The following FHIT variants were observed in gnomAD, a reference collection of about 807,000 sequenced individuals.
FHIT encodes the protein bis(5'-adenosyl)-triphosphatase.
Under a neutral mutation model 17.9 loss-of-function variants are expected in FHIT, and 19 were observed. That is an observed-to-expected ratio of 1.06 (90% CI 0.74 to 1.56). The LOEUF (loss-of-function observed/expected upper bound fraction) is 1.56. Ranked by LOEUF, FHIT falls within the 40% of genes most tolerant of loss-of-function variation. The pLI is 0.00. For missense variants in FHIT, 248 were observed against 189.2 expected (o/e 1.31, Z -1.82); for synonymous variants, 81 against 69.7 (o/e 1.16, Z -0.81).
intron 5 of FHIT, among the ~76,000 whole-genome samples, chr3:60,500,169 A>G (rs2107521713): frequency 6.6e-6 from 1 of 152,312 alleles, no homozygotes; most frequent in Admixed American, 6.5e-5. Context: ...TTTTGTAAAT[A>G]AAGTTTTATT....
At chr3:60,925,833 C>T (rs1203804740) in intron 3 of FHIT, among the ~76,000 whole-genome samples, 8 of 152,140 alleles carry the variant, frequency 5.3e-5, no homozygotes, top group African/African-American at 7.2e-5. Flanking sequence ...CAGAGACACA[C>T]ATAGGCTCAA....
intron 3 of FHIT, among the ~76,000 whole-genome samples, chr3:60,885,829 C>T (rs1271405382): frequency 5.3e-5 from 8 of 152,176 alleles, no homozygotes; most frequent in Admixed American, 4.6e-4. Context: ...ATCACCTCCT[C>T]CAGATGCCTC....
intron 7 of FHIT, among the ~76,000 whole-genome samples, chr3:59,979,155 G>A (rs13077692): frequency 6.6e-6 from 1 of 151,900 alleles, no homozygotes; most frequent in African/African-American, 2.4e-5. Context: ...GAGGCTGAGA[G>A]AGCACAGAGC....
chr3:59,779,182 T>C, intron 8 of FHIT, among the ~76,000 whole-genome samples: 1 of 151,642 alleles, frequency 6.6e-6, no homozygotes, highest in East Asian at 1.9e-4. Context: ...CTCATTAGCT[T>C]GGACATAAAG....
chr3:61,071,993 G>A (rs1169580989), intron 2 of FHIT, among the ~76,000 whole-genome samples: 2 of 152,250 alleles, frequency 1.3e-5, no homozygotes, highest in South Asian at 2.1e-4. Context: ...TCACTCTCCT[G>A]TTAGATAGTC....
At chr3:61,228,011 G>A (rs1042023394) in intron 1 of FHIT, among the ~76,000 whole-genome samples, 1 of 152,136 alleles carries the variant, frequency 6.6e-6, no homozygotes, top group African/African-American at 2.4e-5. Context: ...GACTTTAGCA[G>A]CTGCTCTAAA....
intron 5 of FHIT, among the ~76,000 whole-genome samples, chr3:60,341,716 T>C (rs773339292): frequency 1.3e-4 from 20 of 152,204 alleles, no homozygotes; most frequent in Non-Finnish European, 2.4e-4. Context: ...TACACTTAGA[T>C]TGACTTCCAA....
chr3:59,757,269 G>T (rs1041375632), intron 8 of FHIT, among the ~76,000 whole-genome samples: 1 of 152,210 alleles, frequency 6.6e-6, no homozygotes, highest in African/African-American at 2.4e-5. Flanking sequence ...ACTGAAGTCT[G>T]TGATGGCCTC....
intron 5 of FHIT, among the ~76,000 whole-genome samples, chr3:60,202,756 T>G (rs1291859815): frequency 6.6e-6 from 1 of 152,078 alleles, no homozygotes; most frequent in Admixed American, 6.6e-5. Context: ...ATCATCAACT[T>G]TGTAAGATCA....
At chr3:61,227,119 G>A (rs2039990206) in intron 1 of FHIT, among the ~76,000 whole-genome samples, 1 of 152,168 alleles carries the variant, frequency 6.6e-6, no homozygotes, top group African/African-American at 2.4e-5. Context: ...GATAAGAGGT[G>A]AGAGAGAAGA....
At chr3:60,576,131 A>G (rs1319920114) in intron 4 of FHIT, among the ~76,000 whole-genome samples, 1 of 152,170 alleles carries the variant, frequency 6.6e-6, no homozygotes, top group Non-Finnish European at 1.5e-5. Flanking sequence ...GTTGAACCTC[A>G]GGCAAAACAA....
At chr3:61,165,326 G>T (rs543929047) in intron 2 of FHIT, among the ~76,000 whole-genome samples, 1 of 152,114 alleles carries the variant, frequency 6.6e-6, no homozygotes, top group South Asian at 2.1e-4. Context: ...TTTAATAATA[G>T]CCATTCTGAC....
intron 3 of FHIT, among the ~76,000 whole-genome samples, chr3:60,902,674 A>G (rs1559814686): frequency 6.6e-6 from 1 of 152,212 alleles, no homozygotes; most frequent in Non-Finnish European, 1.5e-5. Context: ...GGGAGCCCCA[A>G]CTTGAGGATA....
Position 60,073,672 on chromosome 3 carries a change from A to G in FHIT, c.104-59520T>C, listed in dbSNP as rs188868119. 2.3e-3 allele frequency among the ~76,000 whole-genome samples: 356 copies of G among 152,196 alleles called. 1 individual carries two copies. The highest frequency in any genetic ancestry group is 8.0e-3 in the African/African-American group (333 of 41,542). Reference sequence around the variant, plus strand: ...AATCTATTTTCTCATGATCTACCGAAGTCACCCTACTAAGTAAGTGTTTCT... The same window carrying G: ...AATCTATTTTCTCATGATCTACCGAGGTCACCCTACTAAGTAAGTGTTTCT... On this transcript the variant is annotated intron_variant, in intron 5 of 9. Transcript: ENST00000492590.
In FHIT at chr3:60,626,959, C is replaced by T. The variant is rs545036062; in HGVS notation, c.-17-89980G>A. On this transcript the variant is annotated intron_variant, in intron 4 of 9. Coordinates refer to ENST00000492590, the MANE Select transcript of FHIT (RefSeq NM_002012.4). ...TATGTCTATTGATATAATCATGTTG[C>T]TTTTATCCTTTATTCTATTGATATG... 5.3e-5 allele frequency among the ~76,000 whole-genome samples: 8 copies of T among 152,016 alleles called. No individual in the cohort carries two copies. In the South Asian group the frequency reaches 1.7e-3, roughly 32 times the overall value.
Position 60,860,847 on chromosome 3 carries a change from T to C in FHIT, c.-110-38836A>G, listed in dbSNP as rs187985561. ...ATGATACATATGTACATATATCAGG[T>C]ATATATGAACATATGTACATATATA... is the stretch of plus-strand genomic sequence containing the variant. On this transcript the variant is annotated intron_variant, in intron 3 of 9. Transcript: ENST00000492590. 5.3e-5 allele frequency among the ~76,000 whole-genome samples: 4 copies of C among 75,928 alleles called. 1 individual carries two copies. Among genetic ancestry groups the C allele is most frequent in the South Asian group, 3.5e-4 (1 of 2,826 alleles). 49.8% of individuals were successfully genotyped at this position (75,928 alleles called of 152,430 possible).
chr3:60,615,504 A>C (rs1487482614), intron 4 of FHIT, among the ~76,000 whole-genome samples: 1 of 152,244 alleles, frequency 6.6e-6, no homozygotes, highest in African/African-American at 2.4e-5. Flanking sequence ...TCAGAAATTT[A>C]AATTGGCTAT....
intron 2 of FHIT, among the ~76,000 whole-genome samples, chr3:61,068,927 A>G (rs1020164760): frequency 4.6e-5 from 7 of 152,126 alleles, no homozygotes; most frequent in African/African-American, 1.7e-4. Context: ...AGAAACAAAA[A>G]CTGAAATCAC....
chr3:60,423,416 G>T (rs1702548171), intron 5 of FHIT, among the ~76,000 whole-genome samples: 1 of 152,094 alleles, frequency 6.6e-6, no homozygotes, highest in African/African-American at 2.4e-5. Flanking sequence ...GTGAGAAACA[G>T]TGCTTTCTCA....
Sources: gnomAD v4.1 joint callset for allele counts (sites outside exome capture counted in the v4.1 genomes callset) on GRCh38, gnomAD v4.1.1 for gene constraint, MANE v1.5 for transcripts, NCBI Gene and HGNC (gene_info 2026-07-23, HGNC 2026-07-21) for gene names.